NEDD4: variants seen among roughly 807,000 people sequenced by gnomAD.
The protein encoded by NEDD4 is E3 ubiquitin-protein ligase NEDD4.
A neutral mutation model predicts 144.9 loss-of-function variants in NEDD4; 99 were observed. The observed-to-expected ratio is 0.68, with a 90% CI of 0.58 to 0.81. The LOEUF is 0.81. NEDD4 is among the 30% of genes least tolerant of loss of function. The pLI, the probability that NEDD4 is intolerant of heterozygous loss-of-function variation, is 0.00. For missense variants in NEDD4, 985 were observed against 1,065.9 expected (o/e 0.92, Z 1.06); for synonymous variants, 318 against 350.6 (o/e 0.91, Z 1.04).
intron 1 of NEDD4, among the ~76,000 whole-genome samples, chr15:55,989,533 A>G (rs2037954459): frequency 6.6e-6 from 1 of 152,198 alleles, no homozygotes; most frequent in Non-Finnish European, 1.5e-5. Flanking sequence ...GTATCAGAAT[A>G]TGCCCTTCTT....
At chr15:55,831,237 A>G (rs1430502568) in intron 27 of NEDD4, among the ~76,000 whole-genome samples, 1 of 152,168 alleles carries the variant, frequency 6.6e-6, no homozygotes, top group East Asian at 1.9e-4. Context: ...CATACTTTTT[A>G]TTGGCTATCT....
chr15:55,868,659 C>T (rs796500771), intron 8 of NEDD4, among the ~76,000 whole-genome samples: 1 of 152,148 alleles, frequency 6.6e-6, no homozygotes, highest in Admixed American at 6.5e-5. Context: ...GAACTGAGTC[C>T]ATTAAACCTG....
chr15:55,857,300 G>T (rs986042002), intron 11 of NEDD4, among the ~76,000 whole-genome samples: 3 of 152,056 alleles, frequency 2.0e-5, no homozygotes, highest in Non-Finnish European at 4.4e-5. Flanking sequence ...ATATATTAGT[G>T]GTAAGATAGA....
At chr15:55,976,529 C>A (rs1393976579) in intron 1 of NEDD4, among the ~76,000 whole-genome samples, 1 of 152,114 alleles carries the variant, frequency 6.6e-6, no homozygotes, top group African/African-American at 2.4e-5. Flanking sequence ...GAGATATCAT[C>A]TCACCCCAGT....
At chr15:55,957,508 G>C (rs1338387474) in intron 2 of NEDD4, among the ~76,000 whole-genome samples, 1 of 152,140 alleles carries the variant, frequency 6.6e-6, no homozygotes, top group Non-Finnish European at 1.5e-5. Context: ...AATGGGTGTT[G>C]AATTTTGTCA....
intron 2 of NEDD4, among the ~76,000 whole-genome samples, chr15:55,953,591 G>A (rs1436937382): frequency 6.6e-6 from 1 of 151,562 alleles, no homozygotes; most frequent in Non-Finnish European, 1.5e-5. Context: ...ATAGGCACAC[G>A]CCACCGCACC....
In NEDD4 at chr15:55,862,846, A is replaced by G. The variant is rs1205324629; in HGVS notation, c.674+67T>C. The G allele has an allele frequency of 6.4e-6, 9 of 1,400,488 alleles. No homozygotes were observed. The Admixed American group carries it at 9.7e-5, about 15-fold the overall frequency. 86.8% of individuals were successfully genotyped at this position (1,400,488 alleles called of 1,614,324 possible). ...CTGTTATGAATCCATCTGAGACATG[A>G]CTTCAAAATGAAAATTCGTAGTTAA... On this transcript the variant is annotated intron_variant, in intron 9 of 28. Coordinates refer to ENST00000435532, the MANE Select transcript of NEDD4 (RefSeq NM_006154.4).
chr15:55,989,231 G>A (rs778876397), intron 1 of NEDD4, among the ~76,000 whole-genome samples: 10 of 152,044 alleles, frequency 6.6e-5, no homozygotes, highest in East Asian at 3.9e-4. Flanking sequence ...GCAAGACTCC[G>A]TCTCAAAAGT....
intron 4 of NEDD4, among the ~76,000 whole-genome samples, chr15:55,925,509 G>C (rs1188779291): frequency 6.6e-6 from 1 of 152,046 alleles, no homozygotes; most frequent in East Asian, 1.9e-4. Flanking sequence ...TTCACTTAAG[G>C]TTTAAGCTTT....
intron 5 of NEDD4, among the ~76,000 whole-genome samples, chr15:55,890,211 A>C (rs1352178428): frequency 6.6e-6 from 1 of 152,212 alleles, no homozygotes; most frequent in Non-Finnish European, 1.5e-5. Flanking sequence ...ATTAAGATGT[A>C]ATTCACATAC....
chr15:55,830,368 C>T (rs1422397424), intron 28 of NEDD4, 146 bp downstream of exon 28: 4 of 732,750 alleles, frequency 5.5e-6, no homozygotes, highest in Non-Finnish European at 7.0e-6. Context: ...AACACCTGTT[C>T]GTTGGGTGTC....
At chr15:55,974,127 A>G (rs1214073945) in intron 1 of NEDD4, among the ~76,000 whole-genome samples, 1 of 152,210 alleles carries the variant, frequency 6.6e-6, no homozygotes, top group Admixed American at 6.5e-5. Flanking sequence ...ATCATTAGAG[A>G]CTACTGCGAA....
rs1233160604 is a variant in NEDD4, at chr15:55,951,490, T to C, written c.198+21A>G. The stretch of plus-strand genomic sequence containing the variant: ...ATAAAACAAAGTACATTAAAAACTT[T>C]TGAATATTGCTAAGTCTAACCTTTT... On this transcript the variant is annotated intron_variant, in intron 3 of 28. Transcript: ENST00000435532. 4.0e-6 allele frequency: 6 copies of C among 1,493,794 alleles called. No homozygotes were observed. In the Admixed American group the frequency reaches 7.7e-5, roughly 19 times the overall value. 92.5% of individuals were successfully genotyped at this position (1,493,794 alleles called of 1,614,324 possible). A position where few individuals can be genotyped will look rare whatever the true frequency, so the allele number is the denominator to read the frequency against.
chr15:55,884,195 T>C lies in NEDD4; in HGVS notation c.292-10187A>G, dbSNP rs1243858755. On this transcript the variant is annotated intron_variant, in intron 5 of 28. Coordinates refer to ENST00000435532, the MANE Select transcript of NEDD4 (RefSeq NM_006154.4). ...ATGCCTGGTCCCAAGGTGGTACTTC[T>C]GTAAGTTCAAGAGCCACAGCATTAC... Among the ~76,000 whole-genome samples, 3 of 152,124 alleles carry C rather than the reference T, an allele frequency of 2.0e-5. No homozygotes were observed. In the East Asian group the frequency reaches 5.8e-4, roughly 29 times the overall value.
intron 22 of NEDD4, 22 bp from the exon 23 acceptor site, chr15:55,838,202 T>C (rs1473937092): frequency 1.3e-6 from 2 of 1,515,138 alleles, no homozygotes; most frequent in East Asian, 4.6e-5. Context: ...CACAATAACT[T>C]GATATGTTAT....
chr15:55,832,620 T>C (rs1249272873), intron 27 of NEDD4, among the ~76,000 whole-genome samples: 4 of 152,158 alleles, frequency 2.6e-5, no homozygotes, highest in African/African-American at 9.7e-5. Flanking sequence ...TTCACTGTGT[T>C]GGCTAGGCTC....
intron 2 of NEDD4, among the ~76,000 whole-genome samples, chr15:55,953,512 G>A (rs1330554131): frequency 2.0e-5 from 3 of 151,688 alleles, no homozygotes; most frequent in Non-Finnish European, 4.4e-5. Context: ...CGCGATCTTG[G>A]CTCACTGCAG....
intron 4 of NEDD4, among the ~76,000 whole-genome samples, chr15:55,931,376 G>A (rs2036778154): frequency 6.6e-6 from 1 of 152,092 alleles, no homozygotes; most frequent in Admixed American, 6.6e-5. Flanking sequence ...TTCATTATAA[G>A]CCCTTTTATA....
chr15:55,931,973 C>T (rs1469121627), intron 4 of NEDD4, among the ~76,000 whole-genome samples: 1 of 152,150 alleles, frequency 6.6e-6, no homozygotes, highest in African/African-American at 2.4e-5. Context: ...TTTGCCTATT[C>T]TGGACATTTC....
Sources: allele counts gnomAD v4.1 joint callset (sites outside exome capture counted in the v4.1 genomes callset), GRCh38; gene constraint gnomAD v4.1.1; transcripts MANE v1.5; gene names NCBI Gene and HGNC (gene_info 2026-07-23, HGNC 2026-07-21).